The following PLEKHD1 variants were observed in gnomAD, a reference collection of about 807,000 sequenced individuals.
PLEKHD1 encodes the protein pleckstrin homology and coiled-coil domain containing D1.
In PLEKHD1, 51 loss-of-function variants were observed where a neutral mutation model predicts 69.2. The observed-to-expected ratio is 0.74, with a 90% CI of 0.59 to 0.93. PLEKHD1 has a LOEUF of 0.93. PLEKHD1 is among the 40% of genes least tolerant of loss of function. The pLI is 0.00. For synonymous variants in PLEKHD1, 236 were observed against 244.7 expected (o/e 0.96, Z 0.33); for missense variants, 584 against 641.0 (o/e 0.91, Z 0.96).
At chr14:69,483,688 A>G (rs1412946425), upstream of PLEKHD1, among the ~76,000 whole-genome samples, 2 of 152,260 alleles carry the variant, frequency 1.3e-5, no homozygotes, top group Non-Finnish European at 2.9e-5. Flanking sequence ...CCATTTGTAA[A>G]CTTCTGTTGC....
chr14:69,505,587 G>T (rs1183470477), intron 6 of PLEKHD1, among the ~76,000 whole-genome samples: 1 of 152,226 alleles, frequency 6.6e-6, no homozygotes, highest in Admixed American at 6.5e-5. Context: ...TGTTGGGCAT[G>T]TCAGTTACCC....
At chr14:69,524,497 G>A (rs1162464932) in intron 8 of PLEKHD1, among the ~76,000 whole-genome samples, 175 bp downstream of exon 8, 3 of 152,154 alleles carry the variant, frequency 2.0e-5, no homozygotes, top group Non-Finnish European at 4.4e-5. Flanking sequence ...TCTGGCCGAG[G>A]CATGAGGCCC....
chr14:69,515,704 C>G (rs751499800), intron 6 of PLEKHD1, among the ~76,000 whole-genome samples: 3 of 152,074 alleles, frequency 2.0e-5, no homozygotes, highest in Admixed American at 6.6e-5. Flanking sequence ...AGAGCATGGG[C>G]GCGGGGAAGT....
rs1327731729 is a variant in PLEKHD1, at chr14:69,527,096, T to G, written c.1057-92T>G. 8 of 1,416,734 alleles carry G rather than the reference T, an allele frequency of 5.6e-6. No homozygotes were observed. The Admixed American group carries it at 8.3e-5, about 15-fold the overall frequency. 87.8% of individuals were successfully genotyped at this position (1,416,734 alleles called of 1,614,324 possible). A position where few individuals can be genotyped will look rare whatever the true frequency, so the allele number is the denominator to read the frequency against. ...TGTGATAACTCCCATCCACGCCCAT[T>G]GAGCCAGGGGTGACCAAGGAAGGCT... is the stretch of plus-strand genomic sequence containing the variant. On this transcript the variant is annotated intron_variant, in intron 10 of 12. Coordinates refer to ENST00000322564, the MANE Select transcript of PLEKHD1 (RefSeq NM_001161498.2).
chr14:69,518,977 G>T (rs747383722), intron 6 of PLEKHD1, among the ~76,000 whole-genome samples: 5 of 152,040 alleles, frequency 3.3e-5, no homozygotes, highest in Admixed American at 1.3e-4. Context: ...GGACATGCAG[G>T]CTTCCTAGCT....
intron 6 of PLEKHD1, chr14:69,503,678 G>T (rs1187714244): frequency 7.9e-6 from 1 of 126,794 alleles, no homozygotes; most frequent in Non-Finnish European, 1.6e-5. Flanking sequence ...GCGACAGAGC[G>T]AGACTCCGTC....
chr14:69,472,799 G>A, the PLEKHD1 span, among the ~76,000 whole-genome samples: 1 of 152,274 alleles, frequency 6.6e-6, no homozygotes, highest in Admixed American at 6.5e-5. Context: ...CCCCAACCCC[G>A]GGCCACAGAC....
At chr14:69,468,544 CCTTTCTTTCTTTCTTTCTTTCCTTCCTT>C in the PLEKHD1 span, among the ~76,000 whole-genome samples, 1 of 150,050 alleles carries the variant, frequency 6.7e-6, no homozygotes, top group Non-Finnish European at 1.5e-5. Context: ...TTCCTTCCTT[CCTTTCTTTCTTTCTTTCTTTCCTTCCTT>C]CTTTCTTTCT....
intron 1 of PLEKHD1, among the ~76,000 whole-genome samples, chr14:69,495,132 C>A (rs890834558): frequency 1.3e-5 from 2 of 152,214 alleles, no homozygotes; most frequent in African/African-American, 4.8e-5. Context: ...GAACATCCAC[C>A]TTCCTTCCCC....
At chr14:69,493,514 C>A (rs577112866) in intron 1 of PLEKHD1, among the ~76,000 whole-genome samples, 82 of 152,336 alleles carry the variant, frequency 5.4e-4, no homozygotes, top group Non-Finnish European at 9.4e-4. Context: ...ACTATCCTAG[C>A]TCCGCCATTC....
chr14:69,522,404 G>A (rs765580256), intron 7 of PLEKHD1, 27 bp downstream of exon 7: 26 of 1,549,756 alleles, frequency 1.7e-5, no homozygotes, highest in Non-Finnish European at 2.1e-5. Flanking sequence ...GGAATTGGGG[G>A]TGCCACTAAG....
chr14:69,471,806 A>T, the PLEKHD1 span, among the ~76,000 whole-genome samples: 1 of 152,130 alleles, frequency 6.6e-6, no homozygotes, highest in Admixed American at 6.5e-5. Flanking sequence ...ATGTCAACCT[A>T]TACACAGGAA....
chr14:69,501,630 C>A (rs184087860), intron 4 of PLEKHD1, 104 bp from the exon 5 acceptor site: 2 of 832,224 alleles, frequency 2.4e-6, no homozygotes, highest in Non-Finnish European at 3.7e-6. Context: ...AAAGGGTGGG[C>A]GAGTACAAAA....
chr14:69,521,581 G>A (rs550136813), intron 6 of PLEKHD1, among the ~76,000 whole-genome samples: 26 of 152,312 alleles, frequency 1.7e-4, no homozygotes, highest in Admixed American at 5.2e-4. Flanking sequence ...GCCAAATTAC[G>A]TGAAATGTGC....
intron 5 of PLEKHD1, chr14:69,502,493 C>T (rs1338835068): frequency 8.6e-6 from 3 of 346,838 alleles, no homozygotes; most frequent in Non-Finnish European, 1.6e-5. Flanking sequence ...CTAGGTTCTG[C>T]CCTCCTTACT....
At chr14:69,508,467 G>A (rs1199691964) in intron 6 of PLEKHD1, among the ~76,000 whole-genome samples, 1 of 152,004 alleles carries the variant, frequency 6.6e-6, no homozygotes. Context: ...TGTCATCCAG[G>A]CTGAGTGCAG....
chr14:69,528,034 G>A, intron 12 of PLEKHD1, 102 bp downstream of exon 12: 1 of 1,524,798 alleles, frequency 6.6e-7, no homozygotes. Flanking sequence ...GCTGGAGAGT[G>A]TGGCCTTGAA....
Position 69,488,951 on chromosome 14 carries a change from T to C in PLEKHD1, c.149+3837T>C, listed in dbSNP as rs543968940. On this transcript the variant is annotated intron_variant, in intron 1 of 12. Coordinates refer to ENST00000322564, the MANE Select transcript of PLEKHD1 (RefSeq NM_001161498.2). The stretch of plus-strand genomic sequence containing the variant: ...GTAGCATCCAGGTTACAGTGAATCC[T>C]TGGGTTAGGGAGATGGGCACACTCT... 2.6e-5 allele frequency among the ~76,000 whole-genome samples: 4 copies of C among 152,202 alleles called. No individual in the cohort carries two copies. The East Asian group carries it at 7.7e-4, about 29-fold the overall frequency.
At chr14:69,509,040 C>A (rs1247082609) in intron 6 of PLEKHD1, among the ~76,000 whole-genome samples, 1 of 152,126 alleles carries the variant, frequency 6.6e-6, no homozygotes, top group Non-Finnish European at 1.5e-5. Context: ...CGGCTCCCAA[C>A]ATTTTATGGA....
Sources: gnomAD v4.1 joint callset for allele counts (sites outside exome capture counted in the v4.1 genomes callset) on GRCh38, gnomAD v4.1.1 for gene constraint, MANE v1.5 for transcripts, NCBI Gene and HGNC (gene_info 2026-07-23, HGNC 2026-07-21) for gene names.